The following LRRC9 variants were observed in gnomAD, a reference collection of about 807,000 sequenced individuals.
LRRC9 encodes the protein leucine-rich repeat-containing protein 9.
A neutral mutation model predicts 63.2 loss-of-function variants in LRRC9; 122 were observed. The ratio of observed to expected loss-of-function variants is 1.93; its 90% confidence interval spans 1.67 to 2.24. The LOEUF (loss-of-function observed/expected upper bound fraction) is 2.24, where lower values mean the gene tolerates loss of function less well. Ranked by LOEUF, LRRC9 falls within the 30% of genes most tolerant of loss-of-function variation. The pLI is 0.00. For synonymous variants in LRRC9, 366 were observed against 213.1 expected, an observed-to-expected ratio of 1.72 and a Z score of -6.25; for missense variants, 1,071 against 627.7, an observed-to-expected ratio of 1.71 and a Z score of -7.55.
intron 17 of LRRC9, among the ~76,000 whole-genome samples, chr14:59,985,949 CTT>C (rs2140121261): frequency 6.6e-6 from 1 of 152,108 alleles, no homozygotes; most frequent in Admixed American, 6.5e-5. Flanking sequence ...TTTTTCTACT[CTT>C]GTTTTCCCAC....
exon 19 of LRRC9, chr14:59,999,217 G>A: frequency 1.4e-6 from 1 of 699,808 alleles, no homozygotes; most frequent in Non-Finnish European, 2.6e-6. Context: ...CAGGAACAAG[G>A]ATTACTCAGG....
At chr14:59,921,881 C>T (rs1198533346) in intron 1 of LRRC9, among the ~76,000 whole-genome samples, 4 of 151,632 alleles carry the variant, frequency 2.6e-5, no homozygotes, top group Admixed American at 6.6e-5. Context: ...GTCAGGAGTT[C>T]GAGATTAGCC....
At chr14:59,974,621 A>G in exon 13 of LRRC9, 1 of 691,688 alleles carries the variant, frequency 1.4e-6, no homozygotes, top group Non-Finnish European at 2.6e-6. Flanking sequence ...CAGTCTAAGT[A>G]TAAGTGAGTG....
chr14:60,017,123 T>G lies in LRRC9; in HGVS notation c.3317+333T>G, dbSNP rs1890754444. ...GGTCTCCAATCATGGGCTCAAGTGG[T>G]TCACCTGCCTCAGTCTCCCAAAGTG... is the stretch of plus-strand genomic sequence containing the variant. On this transcript the variant is annotated intron_variant, in intron 24 of 31. Transcript: ENST00000445360. The surrounding 1 kb of genome is among the most constrained non-coding windows in gnomAD (Gnocchi z 4.0). 6.6e-6 allele frequency among the ~76,000 whole-genome samples: 1 copy of G among 152,050 alleles called. No homozygotes were observed. The highest frequency in any genetic ancestry group is 2.4e-5 in the African/African-American group (1 of 41,414).
chr14:60,018,600 G>GT (rs5809058), intron 25 of LRRC9, 121 bp downstream of exon 25: 289,386 of 406,910 alleles, frequency 0.71, 101,026 homozygotes, highest in Admixed American at 0.79. Context: ...TTTTCTTTGG[G>GT]TTTTTTTTTG....
chr14:59,948,424 T>G (rs1418379509), intron 8 of LRRC9, among the ~76,000 whole-genome samples: 2 of 138,440 alleles, frequency 1.4e-5, no homozygotes, highest in Non-Finnish European at 3.1e-5. Flanking sequence ...ACGATGGGGT[T>G]TTCTAGATAA....
intron 8 of LRRC9, among the ~76,000 whole-genome samples, chr14:59,947,826 G>A (rs1007787194): frequency 4.7e-5 from 7 of 150,438 alleles, no homozygotes; most frequent in Admixed American, 1.3e-4. Flanking sequence ...GTAGGTAAGC[G>A]GCGTTATTTC....
chr14:60,024,768 T>C (rs1012457335), intron 27 of LRRC9, among the ~76,000 whole-genome samples: 4 of 152,168 alleles, frequency 2.6e-5, no homozygotes, highest in Admixed American at 2.0e-4. Context: ...AGTGTACCCA[T>C]TGCCCAAATA....
intron 8 of LRRC9, among the ~76,000 whole-genome samples, chr14:59,951,776 C>T (rs1312599181): frequency 6.6e-6 from 1 of 152,022 alleles, no homozygotes; most frequent in African/African-American, 2.4e-5. Flanking sequence ...GTCAGTGTGC[C>T]CCTGCTGGGG....
chr14:60,002,601 A>G (rs1230541097), intron 20 of LRRC9, among the ~76,000 whole-genome samples: 1 of 152,216 alleles, frequency 6.6e-6, no homozygotes, highest in Non-Finnish European at 1.5e-5. Flanking sequence ...GAGTTGGAAA[A>G]AATAAAAATA....
At chr14:59,999,328 C>A in intron 19 of LRRC9, 102 bp downstream of exon 19, 1 of 499,410 alleles carries the variant, frequency 2.0e-6, no homozygotes, top group Non-Finnish European at 3.5e-6. Context: ...CCCTCTTAGC[C>A]TATTAATAAA....
chr14:60,053,678 C>G lies in LRRC9; in HGVS notation c.4131+473C>G, dbSNP rs534521037. On this transcript the variant is annotated intron_variant, in intron 30 of 31. Coordinates refer to ENST00000445360, the Ensembl canonical transcript of LRRC9. The surrounding 1 kb of genome is among the most constrained non-coding windows in gnomAD (Gnocchi z 4.8). ...TAAGAAAGGAGATGTGTGCCTCTAT[C>G]TGTGTGTTTTGTTAGGATAATTGGG... Among the ~76,000 whole-genome samples, 1 of 152,068 alleles carries G rather than the reference C, an allele frequency of 6.6e-6. No homozygotes were observed. Among genetic ancestry groups the G allele is most frequent in the Middle Eastern group, 3.4e-3 (1 of 294 alleles).
intron 12 of LRRC9, 45 bp from the exon 13 acceptor site, chr14:59,974,531 T>G (rs568145799): frequency 1.8e-6 from 1 of 557,982 alleles, no homozygotes; most frequent in South Asian, 2.4e-5. Flanking sequence ...AGTTGAAGTA[T>G]TGTCAATTTT....
chr14:59,959,053 C>T (rs1252652468), intron 8 of LRRC9, among the ~76,000 whole-genome samples: 1 of 152,218 alleles, frequency 6.6e-6, no homozygotes, highest in East Asian at 1.9e-4. Context: ...TGTTTCTATT[C>T]AGCCATCTTG....
intron 29 of LRRC9, among the ~76,000 whole-genome samples, chr14:60,052,294 A>G (rs1893954472): frequency 6.6e-6 from 1 of 152,222 alleles, no homozygotes; most frequent in Non-Finnish European, 1.5e-5. Context: ...GAATCAGTCA[A>G]TACATTTTAG....
At chr14:60,001,873 C>T (rs917121956) in intron 19 of LRRC9, 93 bp from the exon 20 acceptor site, 2 of 425,168 alleles carry the variant, frequency 4.7e-6, no homozygotes, top group African/African-American at 4.1e-5. Flanking sequence ...TATTGGGCCA[C>T]TCATCTTCCC....
intron 2 of LRRC9, 124 bp downstream of exon 2, chr14:59,928,115 GC>G: frequency 3.5e-6 from 2 of 573,258 alleles, no homozygotes; most frequent in Non-Finnish European, 6.1e-6. Context: ...ACTTTGGGAA[GC>G]AGAGAATAAT....
intron 7 of LRRC9, among the ~76,000 whole-genome samples, chr14:59,940,896 G>A (rs1881689382): frequency 1.3e-5 from 2 of 151,930 alleles, no homozygotes; most frequent in Admixed American, 6.6e-5. Flanking sequence ...TAACAGGTGT[G>A]GAATTCTACC....
chr14:60,020,397 G>A (rs960478059), intron 26 of LRRC9, among the ~76,000 whole-genome samples: 3 of 151,762 alleles, frequency 2.0e-5, no homozygotes, highest in Non-Finnish European at 4.4e-5. Flanking sequence ...AGGCTATTAC[G>A]ATTAAAGCTA....
Sources: allele counts gnomAD v4.1 joint callset (sites outside exome capture counted in the v4.1 genomes callset), GRCh38; gene constraint gnomAD v4.1.1; non-coding constraint Gnocchi (gnomAD v3.1); transcripts MANE v1.5; gene names NCBI Gene and HGNC (gene_info 2026-07-23, HGNC 2026-07-21).